The following PROKR2 variants were observed in gnomAD, a reference collection of about 807,000 sequenced individuals.
The protein encoded by PROKR2 is G protein-coupled receptor 73-like 1.
A neutral mutation model predicts 23.4 loss-of-function variants in PROKR2; 26 were observed. The ratio of observed to expected loss-of-function variants is 1.11; its 90% CI spans 0.81 to 1.54. The LOEUF is 1.54. Ranked by LOEUF, PROKR2 falls within the 40% of genes most tolerant of loss-of-function variation. The probability of loss-of-function intolerance (pLI) is 0.00; values close to 1 mark genes in which losing one functional copy is unlikely to be tolerated. For synonymous variants in PROKR2, 212 were observed against 201.2 expected, an observed-to-expected ratio of 1.05 and a Z score of -0.45; for missense variants, 453 against 511.5, an observed-to-expected ratio of 0.89 and a Z score of 1.10.
Position 5,308,015 on chromosome 20 carries a change from G to C in PROKR2, c.459-5279C>G, listed in dbSNP as rs561301583. ...TAGCAGCTAGTAACCCATTAAAATG[G>C]ATAAAAACACTTGGAAGCTCTGTGA... On this transcript the variant is annotated intron_variant, in intron 2 of 2. Coordinates refer to ENST00000678254, the MANE Select transcript of PROKR2 (RefSeq NM_144773.4). 2.6e-5 allele frequency among the ~76,000 whole-genome samples: 4 copies of C among 151,264 alleles called. No homozygotes were observed. The East Asian group carries it at 7.8e-4, about 29-fold the overall frequency.
intron 2 of PROKR2, among the ~76,000 whole-genome samples, chr20:5,304,411 T>C (rs1884375588): frequency 6.6e-6 from 1 of 152,242 alleles, no homozygotes; most frequent in South Asian, 2.1e-4. Context: ...AGTCGGATGA[T>C]GAATTCCTAC....
chr20:5,308,991 C>T (rs907157241), intron 2 of PROKR2, among the ~76,000 whole-genome samples: 1 of 152,138 alleles, frequency 6.6e-6, no homozygotes, highest in African/African-American at 2.4e-5. Flanking sequence ...TGGATCCTAC[C>T]CCAACCGCTG....
rs375755591 is a variant in PROKR2, at chr20:5,302,014, G to A, written c.*26C>T. 2 of 1,602,182 alleles carry A rather than the reference G, an allele frequency of 1.2e-6. No individual in the cohort carries two copies. The highest frequency in any genetic ancestry group is 1.7e-5 in the Admixed American group (1 of 59,944). On this transcript the variant is annotated 3_prime_UTR_variant, in exon 3 of 3. Coordinates refer to ENST00000678254, the MANE Select transcript of PROKR2 (RefSeq NM_144773.4). ...GTGATGCTCTGAGTACTGGACTGGG[G>A]TTTTCAATTGTGTGACACCAGTGGG...
chr20:5,305,515 A>G (rs1979185412), intron 2 of PROKR2, among the ~76,000 whole-genome samples: 1 of 152,234 alleles, frequency 6.6e-6, no homozygotes, highest in African/African-American at 2.4e-5. Flanking sequence ...CCTGCAAAGC[A>G]GAGCCAGGAG....
rs368328895 is a variant in PROKR2, at chr20:5,313,917, A to C, written c.453T>G (p.Ile151Met). 2 of 1,613,846 alleles carry C rather than the reference A, an allele frequency of 1.2e-6. No individual in the cohort carries two copies. Among genetic ancestry groups the C allele is most frequent in the African/African-American group, 2.7e-5 (2 of 74,922 alleles). ...VSTNALLAIA[I>M]DRYLAIVHPL... ...ACCCCACCCACCATCCTCACCTGTC[A>C]ATGGCAATGGCCAGCAAGGCATTGG... Residue 151 changes from isoleucine to methionine, a missense_variant, in exon 2 of 3, where the codon ATT becomes ATG. Physicochemically the swap from Ile to Met is conservative, Grantham distance 10 (BLOSUM62 1). Transcript: ENST00000678254.
chr20:5,309,143 G>C (rs1026964355), intron 2 of PROKR2, among the ~76,000 whole-genome samples: 5 of 152,214 alleles, frequency 3.3e-5, no homozygotes, highest in African/African-American at 1.2e-4. Flanking sequence ...TGGAACAAAT[G>C]GGCAGGCTCA....
chr20:5,315,018 AC>A (rs1266056736), intron 1 of PROKR2, among the ~76,000 whole-genome samples: 33 of 152,226 alleles, frequency 2.2e-4, no homozygotes, highest in Non-Finnish European at 4.6e-4. Context: ...TTTCACATGG[AC>A]AGACTGAGTC....
chr20:5,315,214 G>C (rs369755948), intron 1 of PROKR2, among the ~76,000 whole-genome samples: 1 of 148,980 alleles, frequency 6.7e-6, no homozygotes, highest in Non-Finnish European at 1.5e-5. Flanking sequence ...GCTGCTCCCC[G>C]TTCTGTGGGA....
chr20:5,305,912 G>A (rs2122210690), intron 2 of PROKR2, among the ~76,000 whole-genome samples: 1 of 152,276 alleles, frequency 6.6e-6, no homozygotes, highest in East Asian at 1.9e-4. Context: ...ATTTATGGGG[G>A]AGAGATTTAT....
Position 5,313,981 on chromosome 20 carries a change from G to A in PROKR2, c.389C>T (p.Ser130Phe). The A allele has an allele frequency of 6.2e-7, 1 of 1,614,222 alleles. No homozygotes were observed. Among genetic ancestry groups the A allele is most frequent in the Non-Finnish European group, 8.5e-7 (1 of 1,180,040 alleles). The change falls in exon 2 of 3, where the codon TCC becomes TTC. Residue 130 changes from serine to phenylalanine, a missense_variant. Physicochemically the swap from Ser to Phe is radical, Grantham distance 155. Coordinates refer to ENST00000678254, the MANE Select transcript of PROKR2 (RefSeq NM_144773.4). ...GGAGACGGTGCGCAGGTAGTTGACG[G>A]AGGCACAGAGCACGTGGCCATGCTC... The part of the protein sequence containing the change: ...SWEHGHVLCA[S>F]VNYLRTVSLY...
rs537415716 is a variant in PROKR2 at position 5,304,485 on chromosome 20, G to T, written c.459-1749C>A. Among the ~76,000 whole-genome samples the T allele has an allele frequency of 3.3e-5, 5 of 152,238 alleles. No individual in the cohort carries two copies. In the East Asian group the frequency reaches 7.7e-4, roughly 23 times the overall value. ...CTCAGTTCTTACAATTTAAAACTTGGTGGGCAGATGAAGCTTCCATTCAGG... is the reference window on the plus strand; with the variant it reads ...CTCAGTTCTTACAATTTAAAACTTGTTGGGCAGATGAAGCTTCCATTCAGG... On this transcript the variant is annotated intron_variant, in intron 2 of 2. Coordinates refer to ENST00000678254, the MANE Select transcript of PROKR2 (RefSeq NM_144773.4).
intron 2 of PROKR2, among the ~76,000 whole-genome samples, chr20:5,312,668 C>T (rs969275003): frequency 3.3e-5 from 5 of 151,952 alleles, no homozygotes; most frequent in Non-Finnish European, 7.4e-5. Context: ...GCACTGAGAA[C>T]AGGGGAAAAA....
At position 5,302,724 on chromosome 20, in the gene PROKR2, G is replaced by A. The variant is rs756442824; in HGVS notation, c.471C>T (p.Ile157=). 47 of 1,613,446 alleles carry A rather than the reference G, an allele frequency of 2.9e-5. No homozygotes were observed. Among genetic ancestry groups the A allele is most frequent in the Non-Finnish European group, 3.6e-5 (43 of 1,179,512 alleles). ...LAIAIDRYLA[I]VHPLKPRMNY... Reference sequence around the variant, plus strand: ...TCATCCGTGGTTTCAAGGGGTGAACGATGGCGAGATATCTGGTGGGGGAGG... The same window carrying A: ...TCATCCGTGGTTTCAAGGGGTGAACAATGGCGAGATATCTGGTGGGGGAGG... The change falls in exon 3 of 3, where the codon ATC becomes ATT. Residue 157 remains isoleucine, a synonymous_variant. Coordinates refer to ENST00000678254, the MANE Select transcript of PROKR2 (RefSeq NM_144773.4).
chr20:5,302,516 T>C lies in PROKR2; in HGVS notation c.679A>G (p.Ile227Val). 1 of 1,614,068 alleles carries C rather than the reference T, an allele frequency of 6.2e-7. No individual in the cohort carries two copies. The highest frequency in any genetic ancestry group is 8.5e-7 in the Non-Finnish European group (1 of 1,180,004). Residue 227 changes from isoleucine (I) to valine (V), a missense_variant, in exon 3 of 3, where the codon ATC (isoleucine) becomes GTC (valine). Physicochemically the swap from Ile to Val is conservative, Grantham distance 29. Coordinates refer to ENST00000678254, the MANE Select transcript of PROKR2 (RefSeq NM_144773.4). The part of the protein sequence containing the change: ...QLYYKSYFLF[I>V]FGVEFVGPVV... ...GGGCCCACGAACTCGACACCAAAGA[T>C]GAAGAGGAAGTAGGACTTGTAGTAG... is the stretch of plus-strand genomic sequence containing the variant.
Position 5,302,220 on chromosome 20 carries a change from G to C in PROKR2, c.975C>G (p.Asn325Lys), listed in dbSNP as rs1403321022. ...FYVVECIAMSNSMINTVCFVT... is the reference protein window; with the variant it reads ...FYVVECIAMSKSMINTVCFVT... ...CGAAGCACACGGTGTTGATCATGCT[G>C]TTGCTCATGGCGATGCACTCGACCA... The change falls in exon 3 of 3, where the codon AAC (asparagine) becomes AAG (lysine). Residue 325 changes from asparagine (N) to lysine (K), a missense_variant. Asn to Lys is a moderately conservative substitution (Grantham distance 94). Transcript: ENST00000678254. The C allele has an allele frequency of 2.5e-6, 4 of 1,614,116 alleles. No homozygotes were observed. In the African/African-American group the frequency reaches 4.0e-5, roughly 16 times the overall value.
chr20:5,306,397 T>C lies in PROKR2; in HGVS notation c.459-3661A>G, dbSNP rs1006223769. 1.8e-4 allele frequency among the ~76,000 whole-genome samples: 27 copies of C among 152,206 alleles called. 1 individual carries two copies. Among genetic ancestry groups the C allele is most frequent in the African/African-American group, 5.8e-4 (24 of 41,448 alleles). ...TTTCTCCTGCTATAATCCCCAAAAA[T>C]TGGCCTTTGATAGTCATAGATTTAA... On this transcript the variant is annotated intron_variant, in intron 2 of 2. Transcript: ENST00000678254.
intron 2 of PROKR2, among the ~76,000 whole-genome samples, chr20:5,309,888 CTT>C (rs1979368921): frequency 1.3e-5 from 2 of 152,242 alleles, no homozygotes; most frequent in African/African-American, 4.8e-5. Flanking sequence ...CCAATAACAT[CTT>C]TCTCATTGTA....
Position 5,302,097 on chromosome 20 carries a change from G to A in PROKR2, c.1098C>T (p.Asp366=). Residue 366 remains aspartate, a synonymous_variant, in exon 3 of 3, where the codon GAC becomes GAT. Coordinates refer to ENST00000678254, the MANE Select transcript of PROKR2 (RefSeq NM_144773.4). Reference sequence around the variant, plus strand: ...TGGTGGGCACCCCGTTGGTTCTGAGGTCAAGGTCAGCACTGGACTTGCTCC... The same window carrying A: ...TGGTGGGCACCCCGTTGGTTCTGAGATCAAGGTCAGCACTGGACTTGCTCC... ...QRGSKSSADL[D]LRTNGVPTTE... The A allele has an allele frequency of 3.1e-6, 5 of 1,614,194 alleles. No individual in the cohort carries two copies. Among genetic ancestry groups the A allele is most frequent in the Non-Finnish European group, 4.2e-6 (5 of 1,180,046 alleles).
chr20:5,302,099 C>G lies in PROKR2; in HGVS notation c.1096G>C (p.Asp366His). ...GTGGGCACCCCGTTGGTTCTGAGGTCAAGGTCAGCACTGGACTTGCTCCCC... is the reference window on the plus strand; with the variant it reads ...GTGGGCACCCCGTTGGTTCTGAGGTGAAGGTCAGCACTGGACTTGCTCCCC... The part of the protein sequence containing the change: ...QRGSKSSADL[D>H]LRTNGVPTTE... The change falls in exon 3 of 3, where the codon GAC becomes CAC. Residue 366 changes from aspartate to histidine, a missense_variant. Transcript: ENST00000678254. The G allele has an allele frequency of 6.2e-7, 1 of 1,614,152 alleles. No individual in the cohort carries two copies. The highest frequency in any genetic ancestry group is 8.5e-7 in the Non-Finnish European group (1 of 1,180,028).
Sources: allele counts gnomAD v4.1 joint callset (sites outside exome capture counted in the v4.1 genomes callset), GRCh38; gene constraint gnomAD v4.1.1; transcripts MANE v1.5; gene names NCBI Gene and HGNC (gene_info 2026-07-23, HGNC 2026-07-21).